ADGRL2: variants seen among roughly 807,000 people sequenced by gnomAD.
ADGRL2 encodes calcium-independent alpha-latrotoxin receptor 2.
A neutral mutation model predicts 157.4 loss-of-function variants in ADGRL2; 44 were observed. The ratio of observed to expected loss-of-function variants is 0.28; its 90% CI spans 0.22 to 0.36. The LOEUF (loss-of-function observed/expected upper bound fraction) is 0.36, where lower values mean the gene tolerates loss of function less well. ADGRL2 is among the 10% of genes least tolerant of loss of function. The pLI, the probability that ADGRL2 is intolerant of heterozygous loss-of-function variation, is 1.00. For missense variants in ADGRL2, 1,510 were observed against 1,768.9 expected, an observed-to-expected ratio of 0.85 and a Z score of 2.63; for synonymous variants, 585 against 624.7, an observed-to-expected ratio of 0.94 and a Z score of 0.95.
At chr1:81,390,296 G>C (rs1195122062) in intron 1 of ADGRL2, among the ~76,000 whole-genome samples, 2 of 152,032 alleles carry the variant, frequency 1.3e-5, no homozygotes, top group Admixed American at 6.5e-5. Flanking sequence ...AAACGTAAAA[G>C]AGTTATGAAA....
chr1:81,627,177 C>A (rs1189569617), intron 3 of ADGRL2, among the ~76,000 whole-genome samples: 1 of 152,014 alleles, frequency 6.6e-6, no homozygotes, highest in East Asian at 1.9e-4. Flanking sequence ...ATTTCCATAA[C>A]AAATGCGTGT....
At chr1:81,400,460 C>T (rs1249609259) in intron 1 of ADGRL2, among the ~76,000 whole-genome samples, 1 of 152,030 alleles carries the variant, frequency 6.6e-6, no homozygotes, top group African/African-American at 2.4e-5. Context: ...GTGATTTTAC[C>T]CCGGGAGACT....
At chr1:81,874,697 T>C (rs2093790087) in intron 2 of ADGRL2, among the ~76,000 whole-genome samples, 1 of 151,846 alleles carries the variant, frequency 6.6e-6, no homozygotes, top group South Asian at 2.1e-4. Flanking sequence ...TTCGCTTCTC[T>C]TCTCTTCTCT....
At chr1:81,941,976 C>T in intron 4 of ADGRL2, 58 bp from the exon 5 acceptor site, 1 of 735,320 alleles carries the variant, frequency 1.4e-6, no homozygotes, top group South Asian at 1.5e-5. Context: ...TTATTTTAAT[C>T]TTTTTTCTTT....
intron 2 of ADGRL2, among the ~76,000 whole-genome samples, chr1:81,475,275 CT>C (rs1409509842): frequency 1.3e-5 from 2 of 152,126 alleles, no homozygotes; most frequent in African/African-American, 4.8e-5. Flanking sequence ...ATTATTTTAT[CT>C]GAGTATGTGA....
chr1:81,762,757 A>G (rs559604711), intron 2 of ADGRL2, among the ~76,000 whole-genome samples: 1 of 152,132 alleles, frequency 6.6e-6, no homozygotes. Flanking sequence ...TGGGCTTAGA[A>G]AAAAGACACA....
At chr1:81,472,235 A>G (rs185594797) in intron 2 of ADGRL2, among the ~76,000 whole-genome samples, 2 of 152,276 alleles carry the variant, frequency 1.3e-5, no homozygotes, top group African/African-American at 4.8e-5. Flanking sequence ...TTCCAGCTTT[A>G]TGTGTTTGTT....
intron 1 of ADGRL2, among the ~76,000 whole-genome samples, chr1:81,760,253 A>T (rs2085829846): frequency 6.6e-6 from 1 of 152,100 alleles, no homozygotes; most frequent in African/African-American, 2.4e-5. Context: ...CTCATAGAGA[A>T]ATGAAAAGGA....
chr1:81,890,821 A>G (rs1376781534), intron 2 of ADGRL2, among the ~76,000 whole-genome samples: 2 of 152,214 alleles, frequency 1.3e-5, no homozygotes, highest in East Asian at 1.9e-4. Flanking sequence ...AGAAATCTTG[A>G]TATCTTCTCT....
intron 1 of ADGRL2, among the ~76,000 whole-genome samples, chr1:81,308,232 A>C (rs1430882104): frequency 6.6e-6 from 1 of 152,170 alleles, no homozygotes; most frequent in Non-Finnish European, 1.5e-5. Context: ...GGAAGGGCTA[A>C]TTGAATTTAT....
intron 3 of ADGRL2, among the ~76,000 whole-genome samples, chr1:81,921,709 G>A (rs1306755664): frequency 6.6e-6 from 1 of 152,170 alleles, no homozygotes; most frequent in Non-Finnish European, 1.5e-5. Flanking sequence ...TATGAGGATA[G>A]ACACTTTCTG....
upstream of ADGRL2, among the ~76,000 whole-genome samples, chr1:81,800,861 C>A (rs1425842934): frequency 6.7e-6 from 1 of 148,332 alleles, no homozygotes; most frequent in East Asian, 2.0e-4. Context: ...GTAGGGGGAG[C>A]GCGAACCGAC....
intron 1 of ADGRL2, among the ~76,000 whole-genome samples, chr1:81,703,830 G>T (rs545313371): frequency 1.8e-4 from 28 of 152,280 alleles, no homozygotes; most frequent in Non-Finnish European, 3.7e-4. Context: ...TCCAATATCA[G>T]CCCACCAAAA....
At chr1:81,591,206 G>C (rs973365443) in intron 3 of ADGRL2, among the ~76,000 whole-genome samples, 1 of 152,192 alleles carries the variant, frequency 6.6e-6, no homozygotes, top group East Asian at 1.9e-4. Context: ...CAAGAGAAAA[G>C]GGGGCTTACT....
At chr1:81,511,031 A>C (rs377495961) in intron 2 of ADGRL2, among the ~76,000 whole-genome samples, 63 of 152,338 alleles carry the variant, frequency 4.1e-4, no homozygotes, top group African/African-American at 1.4e-3. Context: ...AATGGAAAAC[A>C]AAGACTATAA....
chr1:81,549,708 G>A (rs1252283274), intron 2 of ADGRL2, among the ~76,000 whole-genome samples: 1 of 152,186 alleles, frequency 6.6e-6, no homozygotes, highest in African/African-American at 2.4e-5. Flanking sequence ...CACGGGATGA[G>A]AAATTCACAC....
At chr1:81,961,236 C>A (rs1337808238) in intron 11 of ADGRL2, among the ~76,000 whole-genome samples, 1 of 152,110 alleles carries the variant, frequency 6.6e-6, no homozygotes, top group Non-Finnish European at 1.5e-5. Context: ...TAGAGGATAG[C>A]ATAACATCTG....
chr1:81,876,075 C>T (rs1037800171), intron 2 of ADGRL2, among the ~76,000 whole-genome samples: 9 of 152,058 alleles, frequency 5.9e-5, no homozygotes, highest in Non-Finnish European at 8.8e-5. Context: ...AAAAGTTGGA[C>T]ATTTTACCAG....
At chr1:81,418,662 G>A (rs2077074796) in intron 1 of ADGRL2, among the ~76,000 whole-genome samples, 1 of 152,178 alleles carries the variant, frequency 6.6e-6, no homozygotes, top group African/African-American at 2.4e-5. Flanking sequence ...GCTGAGGCAG[G>A]AGAATGGCAT....
Sources: gnomAD v4.1 joint callset for allele counts (sites outside exome capture counted in the v4.1 genomes callset) on GRCh38, gnomAD v4.1.1 for gene constraint, MANE v1.5 for transcripts, NCBI Gene and HGNC (gene_info 2026-07-23, HGNC 2026-07-21) for gene names.